TPST2: variants seen among roughly 807,000 people sequenced by gnomAD.
TPST2 encodes the protein tyrosylprotein sulfotransferase 2.
A neutral mutation model predicts 27.8 loss-of-function variants in TPST2; 16 were observed. That is an observed-to-expected ratio of 0.58 (90% CI 0.39 to 0.88). TPST2 has a LOEUF of 0.88. TPST2 is among the 40% of genes least tolerant of loss of function. The pLI is 0.00. For synonymous variants in TPST2, 229 were observed against 231.7 expected, an observed-to-expected ratio of 0.99 and a Z score of 0.10; for missense variants, 464 against 543.1, an observed-to-expected ratio of 0.85 and a Z score of 1.45.
At position 26,550,693 on chromosome 22, in the gene TPST2, T is replaced by G. The variant is rs191539420; in HGVS notation, c.-160-6018A>C. ...ACCAGCTCCCAACATTCCATTGCCATGGCTATTCCCAACCCTACCAGACCA... is the reference window on the plus strand; with the variant it reads ...ACCAGCTCCCAACATTCCATTGCCAGGGCTATTCCCAACCCTACCAGACCA... On this transcript the variant is annotated intron_variant, in intron 1 of 6. Coordinates refer to ENST00000338754, the MANE Select transcript of TPST2 (RefSeq NM_003595.5). The G allele has an allele frequency of 7.1e-5, 70 of 983,292 alleles. No individual in the cohort carries two copies. The East Asian group carries it at 7.3e-3, about 102-fold the overall frequency. The allele number at this position is 983,292 out of a possible 1,614,324, so 60.9% of individuals were successfully genotyped here. A position where few individuals can be genotyped will look rare whatever the true frequency, so the allele number is the denominator to read the frequency against.
chr22:26,558,826 T>C (rs1025911391), intron 1 of TPST2, among the ~76,000 whole-genome samples: 1 of 152,192 alleles, frequency 6.6e-6, no homozygotes, highest in African/African-American at 2.4e-5. Flanking sequence ...ATGCAATCTT[T>C]TTTAGATCAG....
intron 1 of TPST2, among the ~76,000 whole-genome samples, chr22:26,545,356 T>C (rs1926062238): frequency 6.6e-6 from 1 of 152,144 alleles, no homozygotes; most frequent in Admixed American, 6.5e-5. Flanking sequence ...TGTAAGACCT[T>C]CCTAACACTT....
At chr22:26,560,438 C>CA (rs1339247196) in intron 1 of TPST2, 2 of 686,756 alleles carry the variant, frequency 2.9e-6, no homozygotes, top group Admixed American at 4.6e-5. Context: ...CATTGCAGTA[C>CA]ACTGAGCTCC....
In TPST2 at chr22:26,579,451, C is replaced by T. The variant is rs535139559; in HGVS notation, c.-161+10602G>A. ...GGTGGGGAAGGGAGGGCCCTGGGGGCGTGGAAAGGGTGTGGGTTGAGAGGA... is the reference window on the plus strand; with the variant it reads ...GGTGGGGAAGGGAGGGCCCTGGGGGTGTGGAAAGGGTGTGGGTTGAGAGGA... On this transcript the variant is annotated intron_variant, in intron 1 of 6. Transcript: ENST00000338754. Among the ~76,000 whole-genome samples the T allele has an allele frequency of 9.9e-5, 15 of 152,250 alleles. 1 individual carries two copies. Among genetic ancestry groups the T allele is most frequent in the Non-Finnish European group, 1.6e-4 (11 of 68,002 alleles).
At chr22:26,583,787 C>G (rs2145941330) in intron 1 of TPST2, among the ~76,000 whole-genome samples, 1 of 152,296 alleles carries the variant, frequency 6.6e-6, no homozygotes, top group South Asian at 2.1e-4. Flanking sequence ...TTGCAAGGAA[C>G]CAAGATCATG....
chr22:26,582,264 TA>T (rs1928144180), intron 1 of TPST2, among the ~76,000 whole-genome samples: 1 of 152,032 alleles, frequency 6.6e-6, no homozygotes, highest in African/African-American at 2.4e-5. Flanking sequence ...CCGTCTCCAC[TA>T]AAAATACAAA....
At chr22:26,532,481 G>A (rs573458631) in intron 5 of TPST2, among the ~76,000 whole-genome samples, 12 of 152,198 alleles carry the variant, frequency 7.9e-5, no homozygotes, top group Admixed American at 4.6e-4. Flanking sequence ...GGGTTTCACC[G>A]TTTTGGTCAG....
At chr22:26,567,979 C>A (rs551784821) in intron 1 of TPST2, among the ~76,000 whole-genome samples, 1 of 152,320 alleles carries the variant, frequency 6.6e-6, no homozygotes, top group South Asian at 2.1e-4. Context: ...CTGGTTCAAC[C>A]CCTTTGGAAA....
At chr22:26,574,119 T>C (rs1316124700) in intron 1 of TPST2, among the ~76,000 whole-genome samples, 3 of 152,138 alleles carry the variant, frequency 2.0e-5, no homozygotes, top group Non-Finnish European at 4.4e-5. Context: ...TGGAAAGTAT[T>C]TCCATCTGCA....
chr22:26,541,719 C>A lies in TPST2; in HGVS notation c.-88-1G>T. ...AGCGGGCAGCCCGCCAGGCTCACATCTGGGGAGAGAGGGGGACATGCATAG... is the reference window on the plus strand; with the variant it reads ...AGCGGGCAGCCCGCCAGGCTCACATATGGGGAGAGAGGGGGACATGCATAG... On this transcript the variant is annotated splice_acceptor_variant, in intron 2 of 6. Transcript: ENST00000338754. LOFTEE classifies it low-confidence loss of function (5UTR_SPLICE). This position sits in a 1 kb window ranked among gnomAD's most constrained non-coding sequence, Gnocchi z 5.9. 6.8e-7 allele frequency: 1 copy of A among 1,460,336 alleles called. No individual in the cohort carries two copies. Among genetic ancestry groups the A allele is most frequent in the Non-Finnish European group, 9.0e-7 (1 of 1,113,120 alleles). 90.5% of individuals were successfully genotyped at this position (1,460,336 alleles called of 1,614,324 possible).
At chr22:26,549,396 C>T (rs2267086) in intron 1 of TPST2, among the ~76,000 whole-genome samples, 9,324 of 152,210 alleles carry the variant, frequency 0.061, 337 homozygotes, top group Middle Eastern at 0.099. Flanking sequence ...CAGGGGCTCA[C>T]GCCTGTAATC....
chr22:26,552,596 T>C (rs1417970707), intron 1 of TPST2, among the ~76,000 whole-genome samples: 1 of 152,176 alleles, frequency 6.6e-6, no homozygotes, highest in Admixed American at 6.5e-5. Context: ...TTTTTGGCTC[T>C]GTGGGCCACA....
At chr22:26,577,932 G>A (rs563626724) in intron 1 of TPST2, among the ~76,000 whole-genome samples, 12 of 152,098 alleles carry the variant, frequency 7.9e-5, no homozygotes, top group African/African-American at 2.9e-4. Context: ...AGGATTACAG[G>A]CATTAGCCAC....
At chr22:26,583,222 G>A (rs1297719155) in intron 1 of TPST2, among the ~76,000 whole-genome samples, 3 of 151,440 alleles carry the variant, frequency 2.0e-5, no homozygotes, top group Admixed American at 6.6e-5. Context: ...ATCACTTGAG[G>A]TGAGGAGTTC....
intron 5 of TPST2, among the ~76,000 whole-genome samples, chr22:26,530,583 G>C (rs1925096569): frequency 1.4e-5 from 2 of 142,950 alleles, no homozygotes; most frequent in African/African-American, 5.2e-5. Flanking sequence ...AGTGGGCTGA[G>C]ATGGCGCCAC....
chr22:26,532,869 A>G, intron 4 of TPST2, 124 bp from the exon 5 acceptor site: 1 of 797,738 alleles, frequency 1.3e-6, no homozygotes, highest in Non-Finnish European at 2.1e-6. Flanking sequence ...CCATCCAACA[A>G]ACATTGCTTA....
At chr22:26,564,219 G>A (rs1927269229) in intron 1 of TPST2, among the ~76,000 whole-genome samples, 1 of 152,228 alleles carries the variant, frequency 6.6e-6, no homozygotes, top group South Asian at 2.1e-4. Context: ...CACAGCCTAG[G>A]TGTCTTCGTA....
intron 1 of TPST2, among the ~76,000 whole-genome samples, chr22:26,566,169 C>A (rs1927368513): frequency 6.6e-6 from 1 of 152,190 alleles, no homozygotes; most frequent in African/African-American, 2.4e-5. Flanking sequence ...GTAATCCCAG[C>A]ACGTCGGGAG....
intron 1 of TPST2, among the ~76,000 whole-genome samples, chr22:26,554,350 G>A (rs1926662299): frequency 6.6e-6 from 1 of 152,138 alleles, no homozygotes; most frequent in African/African-American, 2.4e-5. Flanking sequence ...TTCCTGCCCA[G>A]AAACACAGAG....
Sources: gnomAD v4.1 joint callset for allele counts (sites outside exome capture counted in the v4.1 genomes callset) on GRCh38, gnomAD v4.1.1 for gene constraint, Gnocchi (gnomAD v3.1) non-coding constraint, MANE v1.5 for transcripts, NCBI Gene and HGNC (gene_info 2026-07-23, HGNC 2026-07-21) for gene names.